The following PAG1 variants were observed in gnomAD, a reference collection of about 807,000 sequenced individuals.
PAG1 encodes phosphoprotein membrane anchor with glycosphingolipid microdomains 1, also known as phosphoprotein associated with glycosphingolipid-enriched microdomains 1.
PAG1 carries 23 observed loss-of-function variants against 31.7 expected under a neutral mutation model. That is an observed-to-expected ratio of 0.73 (90% CI 0.52 to 1.03). The LOEUF is 1.03. PAG1 is among the 50% of genes least tolerant of loss of function. PAG1 has a pLI of 0.00. For missense variants in PAG1, 473 were observed against 540.7 expected (o/e 0.87, Z 1.24); for synonymous variants, 214 against 210.3 (o/e 1.02, Z -0.15).
intron 1 of PAG1, among the ~76,000 whole-genome samples, chr8:81,081,254 C>G (rs1011834040): frequency 8.6e-5 from 13 of 151,380 alleles, no homozygotes; most frequent in African/African-American, 2.9e-4. Flanking sequence ...TTCGTACTAA[C>G]ATCTTTCTGA....
chr8:81,000,643 C>T (rs1313862477), intron 3 of PAG1, among the ~76,000 whole-genome samples: 4 of 152,094 alleles, frequency 2.6e-5, no homozygotes, highest in East Asian at 1.9e-4. Flanking sequence ...GGTTTCACCA[C>T]GTTGGCCAGG....
chr8:81,047,132 G>T (rs914188716), intron 2 of PAG1, among the ~76,000 whole-genome samples: 2 of 152,104 alleles, frequency 1.3e-5, no homozygotes, highest in African/African-American at 4.8e-5. Flanking sequence ...CTTTGCTATT[G>T]CGAATAGTAC....
intron 1 of PAG1, among the ~76,000 whole-genome samples, chr8:81,088,870 A>C (rs1809401874): frequency 1.3e-5 from 2 of 152,242 alleles, no homozygotes; most frequent in African/African-American, 4.8e-5. Flanking sequence ...CTTAAGGAAA[A>C]AAGGCAAATC....
In PAG1 at chr8:81,015,470, G is replaced by A. The variant is rs1441423217; in HGVS notation, c.-81+14526C>T. ...CAAGATACACATGCACTCAGAGGCA[G>A]TGAGCTTTACCCACTTACATTATAT... On this transcript the variant is annotated intron_variant, in intron 3 of 8. Transcript: ENST00000220597. Among the ~76,000 whole-genome samples the A allele has an allele frequency of 2.0e-5, 3 of 152,320 alleles. No individual in the cohort carries two copies. In the East Asian group the frequency reaches 5.8e-4, roughly 29 times the overall value.
At chr8:81,003,921 T>C (rs1010389808) in intron 3 of PAG1, among the ~76,000 whole-genome samples, 7 of 152,278 alleles carry the variant, frequency 4.6e-5, no homozygotes, top group Admixed American at 2.6e-4. Flanking sequence ...AGAGAAGCCA[T>C]GGACGGCCTT....
chr8:81,093,345 T>C (rs1226784459), intron 1 of PAG1, among the ~76,000 whole-genome samples: 1 of 152,174 alleles, frequency 6.6e-6, no homozygotes, highest in African/African-American at 2.4e-5. Context: ...GTATAATTAA[T>C]GGTATGTTCA....
At chr8:81,055,796 C>T (rs1293704517) in intron 2 of PAG1, among the ~76,000 whole-genome samples, 1 of 152,080 alleles carries the variant, frequency 6.6e-6, no homozygotes, top group Non-Finnish European at 1.5e-5. Context: ...GTGATTTTTG[C>T]ACATTGATTT....
intron 1 of PAG1, among the ~76,000 whole-genome samples, chr8:81,079,237 A>G (rs1234333384): frequency 6.6e-6 from 1 of 152,034 alleles, no homozygotes; most frequent in Non-Finnish European, 1.5e-5. Context: ...ACAAGTAGCC[A>G]CTTCTTCAGG....
chr8:81,021,377 A>G lies in PAG1; in HGVS notation c.-81+8619T>C, dbSNP rs1298250518. On this transcript the variant is annotated intron_variant, in intron 3 of 8. Transcript: ENST00000220597. ...CATGTGTTACAATTAATGGACCAAT[A>G]TCGGTACATTATTATTATTATTTGG... Among the ~76,000 whole-genome samples, 3 of 151,400 alleles carry G rather than the reference A, an allele frequency of 2.0e-5. No homozygotes were observed. In the East Asian group the frequency reaches 5.8e-4, roughly 29 times the overall value.
At chr8:81,080,745 T>A (rs28595733) in intron 1 of PAG1, among the ~76,000 whole-genome samples, 7,065 of 152,176 alleles carry the variant, frequency 0.046, 552 homozygotes, top group African/African-American at 0.16. Flanking sequence ...AAAAGAATAA[T>A]CTACTGCCCA....
chr8:81,057,598 G>A (rs950520390), intron 2 of PAG1, among the ~76,000 whole-genome samples: 1 of 151,682 alleles, frequency 6.6e-6, no homozygotes, highest in Non-Finnish European at 1.5e-5. Flanking sequence ...GATAGCATTA[G>A]GAGATATACC....
chr8:80,999,406 T>C (rs1219025420), intron 3 of PAG1, among the ~76,000 whole-genome samples: 1 of 152,204 alleles, frequency 6.6e-6, no homozygotes, highest in Non-Finnish European at 1.5e-5. Flanking sequence ...TATAGATTCC[T>C]GAATCCTTTT....
intron 1 of PAG1, among the ~76,000 whole-genome samples, chr8:81,077,638 A>T (rs1809201233): frequency 6.6e-6 from 1 of 152,070 alleles, no homozygotes; most frequent in Non-Finnish European, 1.5e-5. Context: ...TTTTTTTCGC[A>T]TTTAGAAATC....
At chr8:81,062,285 ACTC>A (rs1360217588) in intron 2 of PAG1, among the ~76,000 whole-genome samples, 2 of 151,892 alleles carry the variant, frequency 1.3e-5, no homozygotes, top group African/African-American at 4.8e-5. Context: ...AACACACTAA[ACTC>A]CTTGCATTCA....
chr8:81,106,069 G>C (rs534220361), intron 1 of PAG1, among the ~76,000 whole-genome samples: 17 of 152,262 alleles, frequency 1.1e-4, no homozygotes, highest in Admixed American at 6.5e-4. Flanking sequence ...CTGAGACAAA[G>C]TCTTACTCTG....
At chr8:81,015,632 A>C (rs2130701265) in intron 3 of PAG1, among the ~76,000 whole-genome samples, 1 of 152,330 alleles carries the variant, frequency 6.6e-6, no homozygotes, top group African/African-American at 2.4e-5. Flanking sequence ...GAAAAAGTTA[A>C]TACTTTCCAT....
chr8:81,097,209 T>C (rs1334427880), intron 1 of PAG1, among the ~76,000 whole-genome samples: 1 of 152,160 alleles, frequency 6.6e-6, no homozygotes, highest in East Asian at 1.9e-4. Context: ...AAATAAGTTA[T>C]AGTAAACGTG....
At chr8:80,986,894 G>A (rs188679749) in intron 6 of PAG1, among the ~76,000 whole-genome samples, 51 of 152,172 alleles carry the variant, frequency 3.4e-4, no homozygotes, top group African/African-American at 9.9e-4. Context: ...ACAGGCCTAC[G>A]GATGCCCTGA....
At chr8:81,030,212 T>C (rs1019365085) in intron 2 of PAG1, 123 bp from the exon 3 acceptor site, 1 of 152,240 alleles carries the variant, frequency 6.6e-6, no homozygotes, top group Admixed American at 6.5e-5. Flanking sequence ...TTTATATTCT[T>C]ATATTCCTTC....
Sources: allele counts gnomAD v4.1 joint callset (sites outside exome capture counted in the v4.1 genomes callset), GRCh38; gene constraint gnomAD v4.1.1; transcripts MANE v1.5; gene names NCBI Gene and HGNC (gene_info 2026-07-23, HGNC 2026-07-21).